HK2: variants seen among roughly 807,000 people sequenced by gnomAD.
HK2 encodes the protein hexokinase-2.
HK2 carries 42 observed loss-of-function variants against 92.9 expected under a neutral mutation model. The observed-to-expected ratio is 0.45, with a 90% CI of 0.35 to 0.58. HK2 has a LOEUF of 0.58. Among genes scored for constraint, HK2 ranks in the 20% least tolerant of loss-of-function variants. The pLI is 0.00. For synonymous variants in HK2, 422 were observed against 468.0 expected, an observed-to-expected ratio of 0.90 and a Z score of 1.27; for missense variants, 978 against 1,245.1, an observed-to-expected ratio of 0.79 and a Z score of 3.23.
At chr2:74,840,258 A>ATTTTT (rs372633486) in intron 1 of HK2, among the ~76,000 whole-genome samples, 1 of 132,548 alleles carries the variant, frequency 7.5e-6, no homozygotes, top group South Asian at 2.4e-4. Flanking sequence ...CGCGCCAGGC[A>ATTTTT]TTTTTTTTTT....
rs576815613 is a variant in HK2, at chr2:74,878,412, T to G, written c.1032-276T>G. On this transcript the variant is annotated intron_variant, in intron 8 of 17. Coordinates refer to ENST00000290573, the MANE Select transcript of HK2 (RefSeq NM_000189.5). ...CTTGTGTTTCTCAACTCCGTGTGTC[T>G]CTGTGTGTGTGTGTGTGTGTGTGTG... 7.4e-5 allele frequency among the ~76,000 whole-genome samples: 8 copies of G among 108,188 alleles called. No individual in the cohort carries two copies. In the South Asian group the frequency reaches 2.1e-3, roughly 29 times the overall value. The allele number at this position is 108,188 out of a possible 152,430, so 71.0% of individuals were successfully genotyped here.
chr2:74,889,669 G>GC (rs1319170289), intron 17 of HK2, among the ~76,000 whole-genome samples, 191 bp downstream of exon 17: 1 of 152,106 alleles, frequency 6.6e-6, no homozygotes, highest in African/African-American at 2.4e-5. Context: ...ACCGTGGGAA[G>GC]CCCCCTCCGA....
rs375820063 is a variant in HK2, at chr2:74,880,271, C to A, written c.1272C>A (p.Ala424=). ...CCGCCCTGGGGAACTGCAGTTTTGCCAAGCGTCTACATAAGACCGTGCGGC... is the reference window on the plus strand; with the variant it reads ...CCGCCCTGGGGAACTGCAGTTTTGCAAAGCGTCTACATAAGACCGTGCGGC... ...GSVYKKHPHF[A]KRLHKTVRRL... is the part of the protein sequence containing the mutation. Residue 424 remains alanine, a synonymous_variant, in exon 10 of 18, where the codon GCC becomes GCA. Coordinates refer to ENST00000290573, the MANE Select transcript of HK2 (RefSeq NM_000189.5). 18 of 1,613,998 alleles carry A rather than the reference C, an allele frequency of 1.1e-5. No individual in the cohort carries two copies. Among genetic ancestry groups the A allele is most frequent in the Non-Finnish European group, 1.5e-5 (18 of 1,180,046 alleles).
chr2:74,835,846 A>G (rs892335246), intron 1 of HK2, among the ~76,000 whole-genome samples: 6 of 152,314 alleles, frequency 3.9e-5, no homozygotes, highest in Admixed American at 6.5e-5. Flanking sequence ...CATTTTTGGG[A>G]AAATGTCTTG....
intron 5 of HK2, 86 bp from the exon 6 acceptor site, chr2:74,873,746 AAGGAGGAGGAGG>A (rs112954107): frequency 1.4e-6 from 1 of 735,230 alleles, no homozygotes; most frequent in Non-Finnish European, 2.4e-6. Flanking sequence ...AGAGAGAGAG[AAGGAGGAGGAGG>A]AGGAGGAGGA....
At chr2:74,867,534 C>A (rs1233851468) in intron 2 of HK2, 102 bp from the exon 3 acceptor site, 13 of 1,340,568 alleles carry the variant, frequency 9.7e-6, no homozygotes, top group African/African-American at 2.9e-5. Flanking sequence ...CTGGCCGCCC[C>A]TTACCCACAG....
intron 3 of HK2, 171 bp downstream of exon 3, chr2:74,867,955 G>A: frequency 1.3e-6 from 1 of 755,362 alleles, no homozygotes; most frequent in Non-Finnish European, 2.3e-6. Flanking sequence ...GGCTGTTCTG[G>A]TTGTATTTTA....
chr2:74,873,101 T>C (rs921425478), intron 4 of HK2, among the ~76,000 whole-genome samples, 175 bp from the exon 5 acceptor site: 5 of 152,260 alleles, frequency 3.3e-5, no homozygotes, highest in Non-Finnish European at 7.3e-5. Context: ...CTGTGTCTTA[T>C]AGTGCCAGTT....
At position 74,885,571 on chromosome 2, in the gene HK2, A is replaced by G; in HGVS notation, c.1917A>G (p.Glu639=). ...AGGACGTGGTGACCCTGCTGAAGGAAGCGATCCACCGGCGAGAGGTAGGAG... is the reference window on the plus strand; with the variant it reads ...AGGACGTGGTGACCCTGCTGAAGGAGGCGATCCACCGGCGAGAGGTAGGAG... ...EGEDVVTLLK[E]AIHRREEFDL... is the part of the protein sequence containing the mutation. The change falls in exon 13 of 18, where the codon GAA becomes GAG. Residue 639 remains glutamate (E), a synonymous_variant. Coordinates refer to ENST00000290573, the MANE Select transcript of HK2 (RefSeq NM_000189.5). 6.2e-7 allele frequency: 1 copy of G among 1,613,144 alleles called. No individual in the cohort carries two copies. Among genetic ancestry groups the G allele is most frequent in the Non-Finnish European group, 8.5e-7 (1 of 1,179,192 alleles).
intron 3 of HK2, among the ~76,000 whole-genome samples, chr2:74,871,655 A>G (rs1295255153): frequency 1.3e-5 from 2 of 152,218 alleles, no homozygotes; most frequent in Non-Finnish European, 2.9e-5. Context: ...AGCGCTCTTC[A>G]TGGACTTACT....
At chr2:74,854,934 A>T (rs757598195) in intron 2 of HK2, among the ~76,000 whole-genome samples, 3 of 152,150 alleles carry the variant, frequency 2.0e-5, no homozygotes, top group Non-Finnish European at 4.4e-5. Flanking sequence ...TTTTTTCTTG[A>T]GCCCCATGTA....
chr2:74,885,381 C>T, intron 12 of HK2, 113 bp from the exon 13 acceptor site: 1 of 757,706 alleles, frequency 1.3e-6, no homozygotes, highest in South Asian at 1.4e-5. Context: ...ATTGGTGACT[C>T]TGGGGGATCC....
chr2:74,840,908 G>A (rs1260653621), intron 1 of HK2, among the ~76,000 whole-genome samples: 1 of 141,840 alleles, frequency 7.1e-6, no homozygotes, highest in Non-Finnish European at 1.5e-5. Context: ...AAAAAAAGCT[G>A]TGGGGGTTGG....
At chr2:74,866,287 C>G (rs933349535) in intron 2 of HK2, among the ~76,000 whole-genome samples, 1 of 152,268 alleles carries the variant, frequency 6.6e-6, no homozygotes, top group South Asian at 2.1e-4. Context: ...TGACCCATTC[C>G]GCTTCACTTC....
At chr2:74,889,669 G>T (rs1025061532) in intron 17 of HK2, among the ~76,000 whole-genome samples, 191 bp downstream of exon 17, 9 of 152,106 alleles carry the variant, frequency 5.9e-5, no homozygotes, top group African/African-American at 2.2e-4. Flanking sequence ...ACCGTGGGAA[G>T]CCCCCTCCGA....
chr2:74,868,817 C>A (rs28362999), intron 3 of HK2, among the ~76,000 whole-genome samples: 1,845 of 152,148 alleles, frequency 0.012, 36 homozygotes, highest in African/African-American at 0.041. Flanking sequence ...AGACTTGTAA[C>A]GTGATGGTGA....
intron 12 of HK2, among the ~76,000 whole-genome samples, chr2:74,883,467 G>A (rs1234688410): frequency 2.0e-5 from 3 of 152,232 alleles, no homozygotes; most frequent in Non-Finnish European, 2.9e-5. Flanking sequence ...GGTCATGTAG[G>A]TGGGAGCAAG....
At chr2:74,877,445 G>A in intron 8 of HK2, 124 bp downstream of exon 8, 1 of 1,088,598 alleles carries the variant, frequency 9.2e-7, no homozygotes, top group Non-Finnish European at 1.4e-6. Flanking sequence ...GGTCTCACAT[G>A]ACGTGGACCA....
intron 10 of HK2, 128 bp from the exon 11 acceptor site, chr2:74,881,583 T>G: frequency 1.1e-6 from 1 of 947,676 alleles, no homozygotes; most frequent in Non-Finnish European, 1.7e-6. Flanking sequence ...TCCTTCTGTA[T>G]TCTAGAATGT....
Sources: gnomAD v4.1 joint callset for allele counts (sites outside exome capture counted in the v4.1 genomes callset) on GRCh38, gnomAD v4.1.1 for gene constraint, MANE v1.5 for transcripts, NCBI Gene and HGNC (gene_info 2026-07-23, HGNC 2026-07-21) for gene names.